CPED1: variants seen among roughly 807,000 people sequenced by gnomAD.
The protein encoded by CPED1 is cadherin like and PC-esterase domain containing 1.
A neutral mutation model predicts 128.2 loss-of-function variants in CPED1; 114 were observed. The observed-to-expected ratio is 0.89, with a 90% CI of 0.76 to 1.04. CPED1 has a LOEUF of 1.04. Among genes scored for constraint, CPED1 ranks in the 50% least tolerant of loss-of-function variants. The pLI, the probability that CPED1 is intolerant of heterozygous loss-of-function variation, is 0.00. For missense variants in CPED1, 1,211 were observed against 1,207.1 expected, an observed-to-expected ratio of 1.00 and a Z score of -0.05; for synonymous variants, 462 against 426.7, an observed-to-expected ratio of 1.08 and a Z score of -1.02.
intron 22 of CPED1, among the ~76,000 whole-genome samples, chr7:121,294,515 C>G (rs1171999445): frequency 6.6e-6 from 1 of 152,068 alleles, no homozygotes; most frequent in East Asian, 1.9e-4. Flanking sequence ...GATGCCATGT[C>G]TGTGTCTCAG....
At chr7:121,232,434 G>A (rs1215143472) in intron 16 of CPED1, among the ~76,000 whole-genome samples, 1 of 152,256 alleles carries the variant, frequency 6.6e-6, no homozygotes, top group South Asian at 2.1e-4. Context: ...GGATCTGCTA[G>A]TGTCCAGTCA....
intron 16 of CPED1, among the ~76,000 whole-genome samples, chr7:121,169,623 A>G (rs1213395979): frequency 1.3e-5 from 2 of 152,218 alleles, no homozygotes; most frequent in Non-Finnish European, 2.9e-5. Flanking sequence ...AAACTTTTAA[A>G]TTTGCCACTC....
chr7:121,071,610 G>A (rs1337012497), intron 5 of CPED1, among the ~76,000 whole-genome samples: 3 of 151,774 alleles, frequency 2.0e-5, no homozygotes, highest in Non-Finnish European at 4.4e-5. Flanking sequence ...TAAATTCCTG[G>A]GTTCAAATGA....
chr7:121,169,269 A>G (rs901805200), intron 16 of CPED1, among the ~76,000 whole-genome samples: 1 of 152,194 alleles, frequency 6.6e-6, no homozygotes, highest in Non-Finnish European at 1.5e-5. Context: ...GACAGTATTA[A>G]AATGATTGGA....
At chr7:120,989,216 A>T (rs2525739) in intron 1 of CPED1, 175 bp from the exon 2 acceptor site, 39,450 of 187,562 alleles carry the variant, frequency 0.21, 4,520 homozygotes, top group African/African-American at 0.26. Flanking sequence ...GACTCCAGAT[A>T]TACTTTGGTA....
chr7:121,211,462 G>C (rs1225638308), intron 16 of CPED1, among the ~76,000 whole-genome samples: 1 of 152,092 alleles, frequency 6.6e-6, no homozygotes, highest in Non-Finnish European at 1.5e-5. Context: ...GATCTGGGCA[G>C]AGTAACAACT....
intron 11 of CPED1, among the ~76,000 whole-genome samples, chr7:121,129,314 T>C (rs1277801848): frequency 1.9e-4 from 1 of 5,394 alleles, no homozygotes; most frequent in African/African-American, 5.6e-4. Flanking sequence ...TATATATACG[T>C]ATATATATAT....
intron 5 of CPED1, among the ~76,000 whole-genome samples, chr7:121,089,868 TA>T (rs943660299): frequency 6.6e-6 from 1 of 152,100 alleles, no homozygotes; most frequent in Non-Finnish European, 1.5e-5. Context: ...TTTTCTTTTT[TA>T]AAAAAATGTC....
intron 1 of CPED1, 158 bp downstream of exon 1, chr7:120,989,070 C>T (rs1227087021): frequency 6.5e-6 from 1 of 153,932 alleles, no homozygotes; most frequent in East Asian, 1.9e-4. Context: ...TGAAGGGAAG[C>T]ATACAAAAGG....
intron 22 of CPED1, among the ~76,000 whole-genome samples, chr7:121,274,916 G>A (rs1040173078): frequency 1.3e-5 from 2 of 152,098 alleles, no homozygotes; most frequent in Non-Finnish European, 2.9e-5. Context: ...CAAAAATTCT[G>A]CTGATAACCT....
chr7:121,275,191 G>A (rs1792307203), intron 22 of CPED1, among the ~76,000 whole-genome samples: 1 of 152,064 alleles, frequency 6.6e-6, no homozygotes, highest in African/African-American at 2.4e-5. Context: ...GCTTCAGTGA[G>A]CTCTCACTGC....
At chr7:121,182,066 T>C (rs1303769718) in intron 16 of CPED1, among the ~76,000 whole-genome samples, 2 of 152,104 alleles carry the variant, frequency 1.3e-5, no homozygotes, top group Non-Finnish European at 2.9e-5. Flanking sequence ...ATAAAACTTT[T>C]TGTGCCCCAA....
intron 7 of CPED1, among the ~76,000 whole-genome samples, chr7:121,116,821 G>C (rs981186971): frequency 6.6e-6 from 1 of 151,632 alleles, no homozygotes; most frequent in African/African-American, 2.4e-5. Flanking sequence ...AGAATGATGA[G>C]TACCATCTTC....
intron 3 of CPED1, among the ~76,000 whole-genome samples, chr7:121,034,010 A>G (rs543532843): frequency 6.6e-6 from 1 of 152,348 alleles, no homozygotes; most frequent in East Asian, 1.9e-4. Context: ...ATGAAAAATA[A>G]CATTTAGTAG....
chr7:121,098,134 T>G (rs1378625533), intron 6 of CPED1, among the ~76,000 whole-genome samples: 1 of 152,190 alleles, frequency 6.6e-6, no homozygotes, highest in East Asian at 1.9e-4. Flanking sequence ...AACTTCCATT[T>G]TATACTCAAA....
At chr7:121,219,137 T>A (rs1411185558) in intron 16 of CPED1, among the ~76,000 whole-genome samples, 1 of 152,058 alleles carries the variant, frequency 6.6e-6, no homozygotes, top group Non-Finnish European at 1.5e-5. Flanking sequence ...TTCATTCTTT[T>A]GTTCATTTGT....
intron 22 of CPED1, among the ~76,000 whole-genome samples, chr7:121,291,470 T>C (rs140241135): frequency 0.012 from 1,789 of 152,318 alleles, 24 homozygotes; most frequent in African/African-American, 0.028. Context: ...TCCTCTCTTA[T>C]TTCCTTGGGC....
chr7:121,264,018 G>A (rs1017958813), intron 18 of CPED1, among the ~76,000 whole-genome samples: 3 of 152,012 alleles, frequency 2.0e-5, no homozygotes, highest in African/African-American at 7.2e-5. Flanking sequence ...AAGGTAAAAT[G>A]TCCTATGTGT....
At chr7:121,066,970 A>G (rs956668029) in intron 5 of CPED1, among the ~76,000 whole-genome samples, 1 of 152,146 alleles carries the variant, frequency 6.6e-6, no homozygotes, top group Non-Finnish European at 1.5e-5. Context: ...TAAAATATAC[A>G]GGAGGATTGC....
Sources: gnomAD v4.1 joint callset for allele counts (sites outside exome capture counted in the v4.1 genomes callset) on GRCh38, gnomAD v4.1.1 for gene constraint, MANE v1.5 for transcripts, NCBI Gene and HGNC (gene_info 2026-07-23, HGNC 2026-07-21) for gene names.